Variants in UGT2A2 observed in about 807,000 individuals in gnomAD.
UGT2A2 encodes the protein UDP-glucuronosyltransferase 2A2.
A neutral mutation model predicts 50.7 loss-of-function variants in UGT2A2; 60 were observed. That is an observed-to-expected ratio of 1.18 (90% confidence interval 0.96 to 1.47). The LOEUF is 1.47. UGT2A2 is among the 40% of genes most tolerant of loss of function. UGT2A2 has a pLI of 0.00. For synonymous variants in UGT2A2, 242 were observed against 214.6 expected, an observed-to-expected ratio of 1.13 and a Z score of -1.11; for missense variants, 762 against 634.0, an observed-to-expected ratio of 1.20 and a Z score of -2.17.
chr4:69,636,360 A>G (rs193190843), intron 1 of UGT2A2, among the ~76,000 whole-genome samples: 1 of 152,304 alleles, frequency 6.6e-6, no homozygotes, highest in East Asian at 1.9e-4. Context: ...GATGGCAAAC[A>G]AAATACAAAA....
chr4:69,617,631 A>T (rs1720482755), intron 1 of UGT2A2, among the ~76,000 whole-genome samples: 2 of 151,848 alleles, frequency 1.3e-5, no homozygotes, highest in Admixed American at 1.3e-4. Context: ...ATATAAATAC[A>T]TTAAAAGTTT....
chr4:69,612,907 G>GAAAAA (rs34670944), intron 1 of UGT2A2, among the ~76,000 whole-genome samples: 11 of 140,048 alleles, frequency 7.9e-5, no homozygotes, highest in African/African-American at 2.1e-4. Flanking sequence ...AACCTCTGCA[G>GAAAAA]AAAAAAAAAA....
intron 1 of UGT2A2, among the ~76,000 whole-genome samples, chr4:69,614,347 C>G (rs990310681): frequency 4.6e-5 from 7 of 151,922 alleles, no homozygotes; most frequent in African/African-American, 9.7e-5. Context: ...AAAATGTTTT[C>G]TGTTCATAGA....
intron 1 of UGT2A2, among the ~76,000 whole-genome samples, chr4:69,633,931 T>C (rs1265266376): frequency 6.6e-6 from 1 of 152,068 alleles, no homozygotes; most frequent in African/African-American, 2.4e-5. Flanking sequence ...GATTTATGTT[T>C]TGCAGAAAGA....
rs544960296 is a variant in UGT2A2, at chr4:69,609,440, T to C, written c.743-10046A>G. ...GCCTCAAACTCCTGGGCTCAAGTGA[T>C]ATACCTTGGCCTCCTAAAGAGCTGG... is the stretch of plus-strand genomic sequence containing the variant. On this transcript the variant is annotated intron_variant, in intron 1 of 5. Transcript: ENST00000604629. 2.6e-5 allele frequency among the ~76,000 whole-genome samples: 4 copies of C among 152,278 alleles called. No homozygotes were observed. The South Asian group carries it at 8.3e-4, about 32-fold the overall frequency.
intron 1 of UGT2A2, among the ~76,000 whole-genome samples, chr4:69,638,085 G>A (rs1277435025): frequency 1.3e-5 from 2 of 152,054 alleles, no homozygotes; most frequent in Non-Finnish European, 2.9e-5. Context: ...AGAAAGGAAA[G>A]AAAGTCAAAA....
intron 1 of UGT2A2, among the ~76,000 whole-genome samples, chr4:69,609,221 C>G (rs937196928): frequency 1.3e-5 from 2 of 150,728 alleles, no homozygotes; most frequent in Non-Finnish European, 2.9e-5. Flanking sequence ...GGTGCCAACA[C>G]AGCTCACTGC....
rs965755081 is a variant in UGT2A2, at chr4:69,604,617, C to T, written c.743-5223G>A. ...GGCTAAATGCTCCAATTAAAAGACA[C>T]AGACTGGCAAATTGGATAAAGAGCC... is the stretch of plus-strand genomic sequence containing the variant. On this transcript the variant is annotated intron_variant, in intron 1 of 5. Coordinates refer to ENST00000604629, the MANE Select transcript of UGT2A2 (RefSeq NM_001105677.2). Among the ~76,000 whole-genome samples the T allele has an allele frequency of 2.9e-5, 4 of 136,804 alleles. 1 individual carries two copies. The highest frequency in any genetic ancestry group is 2.4e-4 in the South Asian group (1 of 4,182). 89.7% of individuals were successfully genotyped at this position (136,804 alleles called of 152,430 possible).
At chr4:69,600,331 T>A (rs1719202086) in intron 1 of UGT2A2, among the ~76,000 whole-genome samples, 1 of 152,170 alleles carries the variant, frequency 6.6e-6, no homozygotes. Context: ...CAGAGAAAAG[T>A]CACTCCTAAT....
At chr4:69,611,277 T>TGAGC in intron 1 of UGT2A2, among the ~76,000 whole-genome samples, 1 of 101,250 alleles carries the variant, frequency 9.9e-6, no homozygotes, top group Middle Eastern at 5.7e-3. Flanking sequence ...TCCCAGTAGG[T>TGAGC]CACCTCCAAG....
chr4:69,618,205 G>GTGTGTGTT (rs1553905689), intron 1 of UGT2A2, among the ~76,000 whole-genome samples: 1 of 87,894 alleles, frequency 1.1e-5, no homozygotes, highest in Non-Finnish European at 2.2e-5. Context: ...GTGTGTGTGT[G>GTGTGTGTT]TGTGTGTGTG....
chr4:69,605,274 A>T (rs1360233966), intron 1 of UGT2A2, among the ~76,000 whole-genome samples: 1 of 137,070 alleles, frequency 7.3e-6, no homozygotes, highest in Non-Finnish European at 1.6e-5. Flanking sequence ...AATTCACTCA[A>T]AACCGCTCAA....
chr4:69,600,762 T>A (rs1261322152), intron 1 of UGT2A2, among the ~76,000 whole-genome samples: 1 of 151,294 alleles, frequency 6.6e-6, no homozygotes, highest in African/African-American at 2.4e-5. Flanking sequence ...TTTTGCATGA[T>A]GGGAGCAGGA....
Position 69,594,557 on chromosome 4 carries a change from T to C in UGT2A2, c.1251A>G (p.Gly417=), listed in dbSNP as rs1420674569. Residue 417 remains glycine (G), a synonymous_variant, in exon 5 of 6, where the codon GGA becomes GGG. Transcript: ENST00000604629. ...TGTTTAGGTTCACTTCCACAGCTGCTCCTTTGGCCTTCATGTGAGCAATGT... is the reference window on the plus strand; with the variant it reads ...TGTTTAGGTTCACTTCCACAGCTGCCCCTTTGGCCTTCATGTGAGCAATGT... The part of the protein sequence containing the change: ...PDNIAHMKAK[G]AAVEVNLNTM... The C allele has an allele frequency of 2.3e-5, 37 of 1,614,144 alleles. No homozygotes were observed. The highest frequency in any genetic ancestry group is 3.1e-5 in the Non-Finnish European group (37 of 1,180,034).
intron 1 of UGT2A2, among the ~76,000 whole-genome samples, chr4:69,633,702 A>G (rs1309738503): frequency 2.0e-5 from 3 of 152,214 alleles, no homozygotes; most frequent in Non-Finnish European, 4.4e-5. Flanking sequence ...ACAAAGGAGT[A>G]CATAATGTGT....
intron 1 of UGT2A2, among the ~76,000 whole-genome samples, chr4:69,622,415 G>A (rs1373758928): frequency 6.6e-6 from 1 of 151,548 alleles, no homozygotes; most frequent in African/African-American, 2.4e-5. Flanking sequence ...TTAATTATCT[G>A]AAACAATTCT....
chr4:69,613,355 A>C (rs181065895), intron 1 of UGT2A2, among the ~76,000 whole-genome samples: 228 of 152,076 alleles, frequency 1.5e-3, no homozygotes, highest in African/African-American at 5.2e-3. Context: ...TCTCCTATCC[A>C]AGTAAAGCCC....
rs749980218 is a variant in UGT2A2 at position 69,639,390 on chromosome 4, G to C, written c.251C>G (p.Pro84Arg). The C allele has an allele frequency of 1.2e-6, 2 of 1,613,414 alleles. No homozygotes were observed. The highest frequency in any genetic ancestry group is 2.7e-5 in the African/African-American group (2 of 74,886). Residue 84 changes from proline (P) to arginine (R), a missense_variant, in exon 1 of 6, where the codon CCT (proline) becomes CGT (arginine). By Grantham distance (103) the Pro-to-Arg change is moderately radical. Coordinates refer to ENST00000604629, the MANE Select transcript of UGT2A2 (RefSeq NM_001105677.2). ...PDSPVNFEVI[P>R]VSYKKSNIDS... is the part of the protein sequence containing the mutation. ...TATATTGCTCTTCTTGTAGGAAACA[G>C]GTATCACTTCAAAATTCACAGGAGA...
At chr4:69,598,889 GA>G (rs1255992266) in intron 2 of UGT2A2, among the ~76,000 whole-genome samples, 4 of 152,030 alleles carry the variant, frequency 2.6e-5, no homozygotes, top group Non-Finnish European at 5.9e-5. Context: ...TATCTCTCAA[GA>G]AATTTGGTAA....
Sources: gnomAD v4.1 joint callset for allele counts (sites outside exome capture counted in the v4.1 genomes callset) on GRCh38, gnomAD v4.1.1 for gene constraint, MANE v1.5 for transcripts, NCBI Gene and HGNC (gene_info 2026-07-23, HGNC 2026-07-21) for gene names.